The following THEM6 variants were observed in gnomAD, a reference collection of about 807,000 sequenced individuals.
THEM6 encodes the protein thioesterase superfamily member 6.
Under a neutral mutation model 13.7 loss-of-function variants are expected in THEM6, and 10 were observed. The ratio of observed to expected loss-of-function variants is 0.73; its 90% CI spans 0.45 to 1.24. THEM6 has a LOEUF of 1.24. Among genes scored for constraint, THEM6 ranks in the 50% most tolerant of loss-of-function variants. The probability of loss-of-function intolerance (pLI) is 0.00; values close to 1 mark genes in which losing one functional copy is unlikely to be tolerated. For synonymous variants in THEM6, 161 were observed against 156.0 expected, an observed-to-expected ratio of 1.03 and a Z score of -0.24; for missense variants, 317 against 312.6, an observed-to-expected ratio of 1.01 and a Z score of -0.11.
intron 1 of THEM6, among the ~76,000 whole-genome samples, chr8:142,729,481 G>C (rs1163892790): frequency 6.6e-6 from 1 of 152,110 alleles, no homozygotes; most frequent in African/African-American, 2.4e-5. Context: ...ATACTCTCTC[G>C]ATGGCTAAGG....
Position 142,735,532 on chromosome 8 carries a change from A to C in THEM6, c.*93A>C. 9.9e-7 allele frequency: 1 copy of C among 1,009,512 alleles called. No homozygotes were observed. The highest frequency in any genetic ancestry group is 1.5e-6 in the Non-Finnish European group (1 of 667,796). 62.5% of individuals were successfully genotyped at this position (1,009,512 alleles called of 1,614,324 possible). On this transcript the variant is annotated 3_prime_UTR_variant, in exon 2 of 2. Coordinates refer to ENST00000336138, the MANE Select transcript of THEM6 (RefSeq NM_016647.3). ...CTCAGCCATACTCTGTTCCAGCTGG[A>C]GTAGCCTCCTGACCAGCCTGGCCCA...
At position 142,735,528 on chromosome 8, in the gene THEM6, C is replaced by A; in HGVS notation, c.*89C>A. ...CAGTCTCAGCCATACTCTGTTCCAG[C>A]TGGAGTAGCCTCCTGACCAGCCTGG... On this transcript the variant is annotated 3_prime_UTR_variant, in exon 2 of 2. Coordinates refer to ENST00000336138, the MANE Select transcript of THEM6 (RefSeq NM_016647.3). The A allele has an allele frequency of 9.7e-7, 1 of 1,031,886 alleles. No homozygotes were observed. The highest frequency in any genetic ancestry group is 1.5e-6 in the Non-Finnish European group (1 of 687,456). 63.9% of individuals were successfully genotyped at this position (1,031,886 alleles called of 1,614,324 possible). A position where few individuals can be genotyped will look rare whatever the true frequency, so the allele number is the denominator to read the frequency against.
At chr8:142,732,333 A>G (rs995028331) in intron 1 of THEM6, among the ~76,000 whole-genome samples, 4 of 149,784 alleles carry the variant, frequency 2.7e-5, no homozygotes, top group African/African-American at 7.4e-5. Flanking sequence ...TTTCCCCCCA[A>G]AGGTCCCTTG....
intron 1 of THEM6, among the ~76,000 whole-genome samples, chr8:142,728,220 A>G (rs1181915509): frequency 6.6e-6 from 1 of 152,058 alleles, no homozygotes; most frequent in African/African-American, 2.4e-5. Context: ...TTGGTCCTGA[A>G]TATAGGTTGG....
At chr8:142,735,092 G>A in intron 1 of THEM6, 1 of 499,146 alleles carries the variant, frequency 2.0e-6, no homozygotes, top group Non-Finnish European at 3.6e-6. Context: ...CGGGTTTCTG[G>A]CTGGGTTCTG....
At chr8:142,734,271 G>A (rs1815711784) in intron 1 of THEM6, among the ~76,000 whole-genome samples, 1 of 99,382 alleles carries the variant, frequency 1.0e-5, no homozygotes, top group African/African-American at 4.0e-5. Flanking sequence ...GTCCCCAGGT[G>A]CTGGACTCTA....
In THEM6 at chr8:142,736,130, G is replaced by A. The variant is rs149038435; in HGVS notation, c.*691G>A. 1,010 of 152,624 alleles carry A rather than the reference G, an allele frequency of 6.6e-3. 5 individuals are homozygous for A. Among genetic ancestry groups the A allele is most frequent in the Non-Finnish European group, 0.011 (748 of 68,244 alleles). 9.5% of individuals were successfully genotyped at this position (152,624 alleles called of 1,614,324 possible). On this transcript the variant is annotated 3_prime_UTR_variant, in exon 2 of 2. Transcript: ENST00000336138. ...GGGAGGGTAGCCTTGTGGCTGAGAGGGGTCAGACTAGGTGGCACAGGGGCT... is the reference window on the plus strand; with the variant it reads ...GGGAGGGTAGCCTTGTGGCTGAGAGAGGTCAGACTAGGTGGCACAGGGGCT...
intron 1 of THEM6, among the ~76,000 whole-genome samples, chr8:142,729,521 G>A (rs185391661): frequency 6.6e-6 from 1 of 152,148 alleles, no homozygotes. Flanking sequence ...TTTTACAATA[G>A]ACACCCTAGT....
chr8:142,730,507 G>A (rs1278447094), intron 1 of THEM6, among the ~76,000 whole-genome samples: 6 of 152,186 alleles, frequency 3.9e-5, no homozygotes, highest in Admixed American at 6.5e-5. Flanking sequence ...GCTCAGCGCC[G>A]CCCAGGGGAC....
chr8:142,735,281 G>A (rs745938874), intron 1 of THEM6, 45 bp from the exon 2 acceptor site: 2 of 1,426,586 alleles, frequency 1.4e-6, no homozygotes, highest in South Asian at 2.5e-5. Flanking sequence ...CCCAGAGGTG[G>A]GAAGGCCGTA....
chr8:142,735,178 G>A (rs2130004240), intron 1 of THEM6, 148 bp from the exon 2 acceptor site: 1 of 647,814 alleles, frequency 1.5e-6, no homozygotes, highest in Non-Finnish European at 2.8e-6. Context: ...TAGCACAAGT[G>A]TGCAGAGCCT....
chr8:142,731,374 ATTATT>A (rs1815643681), intron 1 of THEM6, among the ~76,000 whole-genome samples: 1 of 152,142 alleles, frequency 6.6e-6, no homozygotes, highest in Admixed American at 6.5e-5. Context: ...TATTAAAAGT[ATTATT>A]TTATTTTTCT....
Position 142,727,357 on chromosome 8 carries a change from T to C in THEM6, c.11T>C (p.Leu4Pro), listed in dbSNP as rs1273139714. The change falls in exon 1 of 2, where the codon CTG (leucine) becomes CCG (proline). Residue 4 changes from leucine to proline, a missense_variant. Coordinates refer to ENST00000336138, the MANE Select transcript of THEM6 (RefSeq NM_016647.3). ...CCCGCCGCCGCCGCTATGCTGGGGC[T>C]GCTGGTGGCGTTGCTGGCCCTGGGG... MLG[L>P]LVALLALGLA... 16 of 1,518,266 alleles carry C rather than the reference T, an allele frequency of 1.1e-5. No individual in the cohort carries two copies. Among genetic ancestry groups the C allele is most frequent in the Non-Finnish European group, 1.4e-5 (16 of 1,139,898 alleles). 94.0% of individuals were successfully genotyped at this position (1,518,266 alleles called of 1,614,324 possible).
chr8:142,729,954 A>C (rs1321648740), intron 1 of THEM6, among the ~76,000 whole-genome samples: 1 of 152,250 alleles, frequency 6.6e-6, no homozygotes, highest in Non-Finnish European at 1.5e-5. Context: ...CATGTCCATC[A>C]GAGGGCTGGG....
Position 142,727,476 on chromosome 8 carries a change from C to T in THEM6, c.130C>T (p.Leu44=). 3.8e-6 allele frequency: 6 copies of T among 1,575,998 alleles called. No homozygotes were observed. In the South Asian group the frequency reaches 4.6e-5, roughly 12 times the overall value. Residue 44 remains leucine, a synonymous_variant, in exon 1 of 2, where the codon CTG becomes TTG. Transcript: ENST00000336138. Reference sequence around the variant, plus strand: ...CCTGCTGCAGCCGCGCGTCCGTGACCTGCTAGCTGAGCAGCGCTTCCCGGG... The same window carrying T: ...CCTGCTGCAGCCGCGCGTCCGTGACTTGCTAGCTGAGCAGCGCTTCCCGGG... The part of the protein sequence containing the change: ...ARLLQPRVRD[L]LAEQRFPGRV...
rs977035111 is a variant in THEM6 at position 142,735,740 on chromosome 8, G to A, written c.*301G>A. On this transcript the variant is annotated 3_prime_UTR_variant, in exon 2 of 2. Transcript: ENST00000336138. ...GGCCACTCATGTGGGCCTAGGTAGG[G>A]GAGGATGGTGCCTGGAGCAGAGGGA... 3 of 367,670 alleles carry A rather than the reference G, an allele frequency of 8.2e-6. No individual in the cohort carries two copies. The highest frequency in any genetic ancestry group is 1.6e-5 in the Non-Finnish European group (3 of 193,098). The allele number at this position is 367,670 out of a possible 1,614,324, so 22.8% of individuals were successfully genotyped here. A position where few individuals can be genotyped will look rare whatever the true frequency, so the allele number is the denominator to read the frequency against.
chr8:142,731,551 C>T (rs1163068103), intron 1 of THEM6, among the ~76,000 whole-genome samples: 2 of 152,254 alleles, frequency 1.3e-5, no homozygotes, highest in East Asian at 3.9e-4. Context: ...CTGCCTTTTA[C>T]GCTATTTCTT....
intron 1 of THEM6, among the ~76,000 whole-genome samples, chr8:142,731,289 A>G (rs1815642180): frequency 6.6e-6 from 1 of 152,170 alleles, no homozygotes; most frequent in African/African-American, 2.4e-5. Flanking sequence ...ACTTGCTTAA[A>G]CCTTTAAAAC....
chr8:142,730,471 A>G (rs868944786), intron 1 of THEM6, among the ~76,000 whole-genome samples: 2 of 152,198 alleles, frequency 1.3e-5, no homozygotes, highest in Non-Finnish European at 2.9e-5. Flanking sequence ...TTGAGGCCCC[A>G]TGGTGATGCC....
Sources: allele counts gnomAD v4.1 joint callset (sites outside exome capture counted in the v4.1 genomes callset), GRCh38; gene constraint gnomAD v4.1.1; transcripts MANE v1.5; gene names NCBI Gene and HGNC (gene_info 2026-07-23, HGNC 2026-07-21).